Variants in CRCP observed in about 807,000 individuals in gnomAD.
The protein encoded by CRCP is DNA-directed RNA polymerase III subunit RPC9.
In CRCP, 18 loss-of-function variants were observed where a neutral mutation model predicts 18.5. That is an observed-to-expected ratio of 0.97 (90% CI 0.67 to 1.44). CRCP has a LOEUF of 1.44. Ranked by LOEUF, CRCP falls within the 40% of genes most tolerant of loss-of-function variation. The pLI is 0.00. For synonymous variants in CRCP, 53 were observed against 62.9 expected, an observed-to-expected ratio of 0.84 and a Z score of 0.75; for missense variants, 130 against 176.4, an observed-to-expected ratio of 0.74 and a Z score of 1.49.
At chr7:66,134,543 ATC>A (rs869114873) in intron 4 of CRCP, 169 bp downstream of exon 4, 8 of 375,246 alleles carry the variant, frequency 2.1e-5, no homozygotes, top group Admixed American at 6.7e-5. Flanking sequence ...TAAGGAACAA[ATC>A]TTTTTTTTTT....
intron 3 of CRCP, among the ~76,000 whole-genome samples, chr7:66,133,557 A>G (rs541727399): frequency 6.6e-6 from 1 of 151,832 alleles, no homozygotes; most frequent in Non-Finnish European, 1.5e-5. Flanking sequence ...AAAAAAAAAA[A>G]AGAAAAAGTT....
At position 66,114,985 on chromosome 7, in the gene CRCP, G is replaced by T; in HGVS notation, c.8+15G>T. 1.2e-6 allele frequency: 2 copies of T among 1,608,070 alleles called. No homozygotes were observed. Among genetic ancestry groups the T allele is most frequent in the South Asian group, 2.2e-5 (2 of 90,866 alleles). ...GTCATGGAAGTGTAAGTCTTCTCGG[G>T]CGCGTCCCTTTTCGCCCGAGGAGCC... On this transcript the variant is annotated intron_variant, in intron 1 of 5. Transcript: ENST00000395326.
chr7:66,131,278 C>T (rs1256459228), intron 3 of CRCP, among the ~76,000 whole-genome samples: 2 of 151,976 alleles, frequency 1.3e-5, no homozygotes, highest in African/African-American at 4.8e-5. Context: ...CCAGCCTACT[C>T]TAACCTAATT....
intron 4 of CRCP, among the ~76,000 whole-genome samples, chr7:66,141,372 A>ACACTGCTGCCCGT (rs1268713018): frequency 6.6e-6 from 1 of 151,220 alleles, no homozygotes; most frequent in African/African-American, 2.4e-5. Context: ...CACCTCGCCC[A>ACACTGCTGCCCGT]CCCTGCTGCC....
At chr7:66,130,970 TTTTG>T (rs200807145) in intron 3 of CRCP, 128 bp downstream of exon 3, 11,412 of 626,272 alleles carry the variant, frequency 0.018, 390 homozygotes, top group East Asian at 0.1. Context: ...CTAACCTGAT[TTTTG>T]TTTGTTTGTT....
chr7:66,141,461 G>A (rs529028979), intron 4 of CRCP, among the ~76,000 whole-genome samples: 1 of 152,258 alleles, frequency 6.6e-6, no homozygotes, highest in Admixed American at 6.5e-5. Context: ...GTTACAGCCT[G>A]TAGTGGTAGC....
chr7:66,141,728 C>T (rs1788145800), intron 4 of CRCP, among the ~76,000 whole-genome samples: 1 of 152,136 alleles, frequency 6.6e-6, no homozygotes, highest in Non-Finnish European at 1.5e-5. Context: ...TGTGGAGGCA[C>T]CAGGCCCTTG....
intron 4 of CRCP, among the ~76,000 whole-genome samples, chr7:66,137,991 A>G (rs1046089731): frequency 3.3e-5 from 5 of 152,352 alleles, no homozygotes; most frequent in African/African-American, 1.2e-4. Context: ...TCTTTTTGTC[A>G]TCATTTCTTT....
In CRCP at chr7:66,154,468, T is replaced by C. The variant is rs1167172276; in HGVS notation, c.*2111T>C. On this transcript the variant is annotated 3_prime_UTR_variant, in exon 6 of 6. Transcript: ENST00000395326. The stretch of plus-strand genomic sequence containing the variant: ...GATTTAGGGTTAACCTAGTTAATAA[T>C]AAATTGTTTCCAGGTAATTATCAAG... 2 of 152,188 alleles carry C rather than the reference T, an allele frequency of 1.3e-5. No homozygotes were observed. The highest frequency in any genetic ancestry group is 1.3e-4 in the Admixed American group (2 of 15,266). 9.4% of individuals were successfully genotyped at this position (152,188 alleles called of 1,614,324 possible).
intron 2 of CRCP, among the ~76,000 whole-genome samples, chr7:66,128,101 C>G (rs1179229753): frequency 8.2e-6 from 1 of 122,054 alleles, no homozygotes; most frequent in African/African-American, 3.2e-5. Flanking sequence ...GGCAATAGAC[C>G]AAGGCTCTGT....
rs906539815 is a variant in CRCP at position 66,149,739 on chromosome 7, TAAAA to T, written c.298-2466_298-2463del. ...TAAACAAAAAAGAAACTTTCAGAAA[TAAAA>T]AACTTACTAGCACGTCTTGGATCAC... On this transcript the variant is annotated intron_variant, in intron 5 of 5. Coordinates refer to ENST00000395326, the MANE Select transcript of CRCP (RefSeq NM_014478.5). Among the ~76,000 whole-genome samples, 4 of 151,898 alleles carry T rather than the reference TAAAA, an allele frequency of 2.6e-5. 1 individual carries two copies. Among genetic ancestry groups the T allele is most frequent in the African/African-American group, 7.3e-5 (3 of 41,344 alleles).
intron 1 of CRCP, 39 bp downstream of exon 1, chr7:66,115,009 C>T: frequency 6.3e-7 from 1 of 1,599,694 alleles, no homozygotes; most frequent in South Asian, 1.1e-5. Flanking sequence ...GCCCGAGGAG[C>T]CCAACGGTTT....
chr7:66,147,944 C>T (rs1418176701), intron 5 of CRCP, among the ~76,000 whole-genome samples: 1 of 152,044 alleles, frequency 6.6e-6, no homozygotes, highest in Non-Finnish European at 1.5e-5. Flanking sequence ...CCTGTGGTCC[C>T]AGCTACTCAG....
chr7:66,146,093 C>T lies in CRCP; in HGVS notation c.297+593C>T, dbSNP rs570566091. Among the ~76,000 whole-genome samples the T allele has an allele frequency of 3.9e-5, 6 of 152,302 alleles. No individual in the cohort carries two copies. The South Asian group carries it at 8.3e-4, about 21-fold the overall frequency. ...GTTGATTTCTGCCATTATTTCTTCA[C>T]GCGGCTCTTGCGGTTATCCTCTCCC... On this transcript the variant is annotated intron_variant, in intron 5 of 5. Transcript: ENST00000395326.
intron 5 of CRCP, among the ~76,000 whole-genome samples, chr7:66,151,745 T>A (rs1263710438): frequency 7.9e-6 from 1 of 127,266 alleles, no homozygotes; most frequent in Non-Finnish European, 1.6e-5. Flanking sequence ...TTTCCTTTTT[T>A]TCTTTTCTTT....
chr7:66,149,339 C>A (rs1262556599), intron 5 of CRCP, among the ~76,000 whole-genome samples: 1 of 151,912 alleles, frequency 6.6e-6, no homozygotes, highest in Non-Finnish European at 1.5e-5. Flanking sequence ...GCCTGGGCAA[C>A]CCCATCTCTA....
chr7:66,145,337 A>G, intron 4 of CRCP, 106 bp from the exon 5 acceptor site: 5 of 1,122,776 alleles, frequency 4.5e-6, no homozygotes, highest in Admixed American at 1.7e-5. Context: ...GCCACACTCC[A>G]GTGGTTCTCC....
chr7:66,116,390 G>C (rs578149988), intron 1 of CRCP, among the ~76,000 whole-genome samples: 1 of 150,982 alleles, frequency 6.6e-6, no homozygotes, highest in Non-Finnish European at 1.5e-5. Flanking sequence ...AGCTACTTAC[G>C]AGGCTGAGAT....
rs148534334 is a variant in CRCP at position 66,125,718 on chromosome 7, G to A, written c.9-1986G>A. ...GAATGGCCAAGGACAAATTTCCCAC[G>A]ACGTGGAATATTCTGAATGACAGAG... is the stretch of plus-strand genomic sequence containing the variant. On this transcript the variant is annotated intron_variant, in intron 1 of 5. Coordinates refer to ENST00000395326, the MANE Select transcript of CRCP (RefSeq NM_014478.5). Among the ~76,000 whole-genome samples the A allele has an allele frequency of 1.7e-3, 247 of 149,466 alleles. 5 individuals carry two copies. Among genetic ancestry groups the A allele is most frequent in the Middle Eastern group, 6.9e-3 (2 of 290 alleles).
Sources: allele counts gnomAD v4.1 joint callset (sites outside exome capture counted in the v4.1 genomes callset), GRCh38; gene constraint gnomAD v4.1.1; transcripts MANE v1.5; gene names NCBI Gene and HGNC (gene_info 2026-07-23, HGNC 2026-07-21).